NR2F1-AS1: variants seen among roughly 807,000 people sequenced by gnomAD.
NR2F1-AS1 encodes NR2F1 antisense RNA 1.
intron 4 of NR2F1-AS1, among the ~76,000 whole-genome samples, chr5:93,525,495 C>T (rs963156202): frequency 1.3e-5 from 2 of 151,600 alleles, no homozygotes; most frequent in Admixed American, 1.3e-4. Context: ...GAACTCAGCT[C>T]TGGATAAGTG....
intron 4 of NR2F1-AS1, among the ~76,000 whole-genome samples, chr5:93,493,685 AT>A (rs1295402210): frequency 6.6e-6 from 1 of 152,180 alleles, no homozygotes; most frequent in East Asian, 1.9e-4. Context: ...GAGTCCAGAA[AT>A]AAACCCAAAC....
intron 4 of NR2F1-AS1, among the ~76,000 whole-genome samples, chr5:93,461,400 T>C (rs950326851): frequency 6.6e-6 from 1 of 152,120 alleles, no homozygotes; most frequent in Admixed American, 6.6e-5. Flanking sequence ...AATACTGAGA[T>C]GATGGGATGA....
At chr5:93,483,352 G>T (rs538583213) in intron 4 of NR2F1-AS1, among the ~76,000 whole-genome samples, 1 of 152,332 alleles carries the variant, frequency 6.6e-6, no homozygotes, top group Non-Finnish European at 1.5e-5. Context: ...CTGCAGCAGA[G>T]GGGCCTAACT....
At chr5:93,536,264 T>C (rs1244952735) in intron 4 of NR2F1-AS1, among the ~76,000 whole-genome samples, 2 of 152,132 alleles carry the variant, frequency 1.3e-5, no homozygotes, top group African/African-American at 4.8e-5. Context: ...CTGCAAACTA[T>C]AAAGCACTGA....
At chr5:93,542,567 C>T (rs1403977086) in intron 4 of NR2F1-AS1, 1 of 152,132 alleles carries the variant, frequency 6.6e-6, no homozygotes, top group Non-Finnish European at 1.5e-5. Context: ...GAGGCCATTC[C>T]TCCTGCTAAA....
At chr5:93,523,320 C>T (rs1201959011) in intron 4 of NR2F1-AS1, among the ~76,000 whole-genome samples, 3 of 152,178 alleles carry the variant, frequency 2.0e-5, no homozygotes, top group African/African-American at 7.2e-5. Flanking sequence ...CTGGGCAGGG[C>T]ATCTCTGAAA....
intron 1 of NR2F1-AS1, among the ~76,000 whole-genome samples, chr5:93,571,585 G>A (rs777848479): frequency 1.3e-5 from 2 of 151,822 alleles, no homozygotes; most frequent in Non-Finnish European, 2.9e-5. Flanking sequence ...AAGAGCGTTT[G>A]GGGAAACTAA....
chr5:93,584,323 G>T (rs927138129), upstream of NR2F1-AS1: 9 of 149,108 alleles, frequency 6.0e-5, no homozygotes, highest in South Asian at 1.8e-4. Flanking sequence ...CTCCTCCTCC[G>T]CCGCCGCCGC....
At chr5:93,582,271 T>TAAAAA (rs752563970), upstream of NR2F1-AS1, among the ~76,000 whole-genome samples, 5 of 131,066 alleles carry the variant, frequency 3.8e-5, no homozygotes, top group African/African-American at 1.4e-4. Flanking sequence ...AGCCAGGTGA[T>TAAAAA]AAAAAAAAAA....
At chr5:93,432,379 T>C (rs929442549) in intron 4 of NR2F1-AS1, 2 of 152,154 alleles carry the variant, frequency 1.3e-5, no homozygotes, top group African/African-American at 2.4e-5. Context: ...ATCATTAAAA[T>C]ACAGAATGTT....
At chr5:93,535,882 G>C (rs1054208900) in intron 4 of NR2F1-AS1, among the ~76,000 whole-genome samples, 1 of 152,004 alleles carries the variant, frequency 6.6e-6, no homozygotes, top group Non-Finnish European at 1.5e-5. Flanking sequence ...TCATGCAAAA[G>C]ATCAGGAAGA....
In NR2F1-AS1 at chr5:93,565,180, C is replaced by G. The variant is rs140938053; in HGVS notation, n.314-1717G>C. ...ATATAGTCTTAGGCAAGTTACTTAG[C>G]CTTTCTTGGCCTCTGTCTTTTGTTT... On this transcript the variant is annotated intron_variant and non_coding_transcript_variant, in intron 1 of 5. Coordinates refer to ENST00000660523, the Ensembl canonical transcript of NR2F1-AS1. 1.1e-4 allele frequency among the ~76,000 whole-genome samples: 17 copies of G among 152,242 alleles called. No homozygotes were observed. In the East Asian group the frequency reaches 2.9e-3, roughly 26 times the overall value.
intron 4 of NR2F1-AS1, among the ~76,000 whole-genome samples, chr5:93,551,406 TA>T (rs1752225817): frequency 6.6e-6 from 1 of 152,096 alleles, no homozygotes; most frequent in South Asian, 2.1e-4. Flanking sequence ...AACCTCTAAT[TA>T]ATAAAATCTC....
chr5:93,449,322 T>C (rs1034186192), intron 4 of NR2F1-AS1, among the ~76,000 whole-genome samples: 1 of 152,172 alleles, frequency 6.6e-6, no homozygotes, highest in Non-Finnish European at 1.5e-5. Flanking sequence ...GTAGAGTTTA[T>C]ATTTACCAAT....
chr5:93,556,510 A>T (rs1413021732), intron 2 of NR2F1-AS1, among the ~76,000 whole-genome samples: 1 of 152,208 alleles, frequency 6.6e-6, no homozygotes, highest in Admixed American at 6.5e-5. Flanking sequence ...TTATAGCCTT[A>T]ACCTCCGACT....
intron 4 of NR2F1-AS1, among the ~76,000 whole-genome samples, chr5:93,426,339 T>C (rs970421222): frequency 1.3e-4 from 20 of 152,300 alleles, no homozygotes; most frequent in African/African-American, 4.8e-4. Flanking sequence ...TCAGCCACCA[T>C]GCCCGGCCCA....
chr5:93,474,253 T>C (rs186227052), intron 4 of NR2F1-AS1, among the ~76,000 whole-genome samples: 1 of 152,268 alleles, frequency 6.6e-6, no homozygotes, highest in East Asian at 1.9e-4. Context: ...AAAAAAGGCT[T>C]AAGAAAAAGA....
chr5:93,556,778 C>T (rs1323458426), intron 2 of NR2F1-AS1, among the ~76,000 whole-genome samples: 1 of 152,154 alleles, frequency 6.6e-6, no homozygotes. Context: ...CCCTCATACC[C>T]CTTAGAAAGA....
chr5:93,435,194 A>G (rs538450003), intron 4 of NR2F1-AS1, among the ~76,000 whole-genome samples: 34 of 152,152 alleles, frequency 2.2e-4, no homozygotes, highest in Non-Finnish European at 4.7e-4. Flanking sequence ...CATTCCTCCT[A>G]CATTTATCAG....
Sources: allele counts gnomAD v4.1 joint callset (sites outside exome capture counted in the v4.1 genomes callset), GRCh38; gene constraint gnomAD v4.1.1; transcripts MANE v1.5; gene names NCBI Gene and HGNC (gene_info 2026-07-23, HGNC 2026-07-21).